The following CDKN2A variants were observed in gnomAD, a reference collection of about 807,000 sequenced individuals.
The protein encoded by CDKN2A is cyclin-dependent kinase inhibitor 2A.
Under a neutral mutation model 11.1 loss-of-function variants are expected in CDKN2A, and 3 were observed. That is an observed-to-expected ratio of 0.27 (90% CI 0.12 to 0.70). The LOEUF (loss-of-function observed/expected upper bound fraction) is 0.70. CDKN2A is among the 30% of genes least tolerant of loss of function. The pLI is 0.77. For synonymous variants in CDKN2A, 122 were observed against 108.1 expected (o/e 1.13, Z -0.80); for missense variants, 265 against 233.6 (o/e 1.13, Z -0.88).
intron 2 of CDKN2A, among the ~76,000 whole-genome samples, chr9:21,981,481 A>T (rs780199718): frequency 1.1e-4 from 16 of 152,066 alleles, no homozygotes; most frequent in Non-Finnish European, 2.1e-4. Context: ...GTTCTAGAAT[A>T]GGATGTTGGG....
rs1312444237 is a variant in CDKN2A, at chr9:21,988,578, AATAG to A, written c.-4+5300_-4+5303del. Among the ~76,000 whole-genome samples the A allele has an allele frequency of 6.6e-6, 1 of 152,128 alleles. No individual in the cohort carries two copies. The highest frequency in any genetic ancestry group is 1.5e-5 in the Non-Finnish European group (1 of 68,020). On this transcript the variant is annotated intron_variant, in intron 2 of 3. Transcript: ENST00000494262. The surrounding 1 kb of genome is among the most constrained non-coding windows in gnomAD (Gnocchi z 4.1). ...GCTAATTGGACATAAATATGAGAACAATAGACATTGGGGACTACTAGATGGAGGA... is the reference window on the plus strand; with the variant it reads ...GCTAATTGGACATAAATATGAGAACAACATTGGGGACTACTAGATGGAGGA...
At chr9:21,985,608 T>G (rs1024942056) in intron 2 of CDKN2A, among the ~76,000 whole-genome samples, 3 of 151,990 alleles carry the variant, frequency 2.0e-5, no homozygotes, top group Non-Finnish European at 4.4e-5. Flanking sequence ...GGTTATTAGA[T>G]AGATAGACTA....
chr9:21,985,840 AATAC>A (rs1820287130), intron 2 of CDKN2A, among the ~76,000 whole-genome samples: 1 of 152,014 alleles, frequency 6.6e-6, no homozygotes. Context: ...CAGGAGTCTG[AATAC>A]ATAAATATAT....
chr9:21,976,489 G>T (rs1211178146), upstream of CDKN2A, among the ~76,000 whole-genome samples: 1 of 152,138 alleles, frequency 6.6e-6, no homozygotes, highest in African/African-American at 2.4e-5. Context: ...GCCGAGACAG[G>T]CGGATCACCT....
At chr9:21,976,226 A>G (rs1244119105), upstream of CDKN2A, among the ~76,000 whole-genome samples, 3 of 151,874 alleles carry the variant, frequency 2.0e-5, no homozygotes, top group Admixed American at 2.0e-4. Context: ...TAAAAATACA[A>G]AAATTAGCTG....
In CDKN2A at chr9:21,992,044, C is replaced by T. The variant is rs72547296; in HGVS notation, c.-4+1838G>A. On this transcript the variant is annotated intron_variant, in intron 2 of 3. Coordinates refer to the CDKN2A transcript ENST00000494262. The stretch of plus-strand genomic sequence containing the variant: ...TCAACTATGGCAATTTTTCAGGTTT[C>T]TGTGGTTAAGAAACTGGTAACGTGG... 3.7e-4 allele frequency: 367 copies of T among 982,694 alleles called. 2 individuals are homozygous for T. The African/African-American group carries it at 5.7e-3, about 15-fold the overall frequency. The allele number at this position is 982,694 out of a possible 1,614,324, so 60.9% of individuals were successfully genotyped here.
rs1207835478 is a variant in CDKN2A at position 21,988,774 on chromosome 9, C to CGA, written c.-4+5106_-4+5107dup. Among the ~76,000 whole-genome samples the CGA allele has an allele frequency of 6.6e-6, 1 of 152,082 alleles. No individual in the cohort carries two copies. Among genetic ancestry groups the CGA allele is most frequent in the Non-Finnish European group, 1.5e-5 (1 of 68,014 alleles). ...TAAATAAAAGTTGAAAAAAAATCTACGAGGCACTATATTTTTAAAAATACC... is the reference window on the plus strand; with the variant it reads ...TAAATAAAAGTTGAAAAAAAATCTACGAGAGGCACTATATTTTTAAAAATACC... On this transcript the variant is annotated intron_variant, in intron 2 of 3. Coordinates refer to the CDKN2A transcript ENST00000494262. This position sits in a 1 kb window ranked among gnomAD's most constrained non-coding sequence, Gnocchi z 4.1.
intron 2 of CDKN2A, among the ~76,000 whole-genome samples, chr9:21,981,853 T>C (rs568878484): frequency 5.3e-5 from 8 of 152,246 alleles, no homozygotes; most frequent in Middle Eastern, 3.4e-3. Flanking sequence ...TAATTACTTA[T>C]GTTCCACAAG....
At chr9:21,989,131 T>C (rs549115635) in intron 2 of CDKN2A, among the ~76,000 whole-genome samples, 1 of 152,344 alleles carries the variant, frequency 6.6e-6, no homozygotes, top group African/African-American at 2.4e-5. Flanking sequence ...GCTTCGACAA[T>C]TGTAAACACA....
At position 21,968,803 on chromosome 9, in the gene CDKN2A, T is replaced by C; in HGVS notation, c.458-561A>G. On this transcript the variant is annotated intron_variant, in intron 2 of 2. Coordinates refer to ENST00000304494, the MANE Select transcript of CDKN2A (RefSeq NM_000077.5). The surrounding 1 kb of genome is among the most constrained non-coding windows in gnomAD (Gnocchi z 4.7). Reference sequence around the variant, plus strand: ...CAAAATGGATGCTCATTTATTCATGTGCTCTGGCTTCTGCCTTCCTCTCTA... The same window carrying C: ...CAAAATGGATGCTCATTTATTCATGCGCTCTGGCTTCTGCCTTCCTCTCTA... 6.5e-7 allele frequency: 1 copy of C among 1,535,056 alleles called. No homozygotes were observed. The highest frequency in any genetic ancestry group is 8.7e-7 in the Non-Finnish European group (1 of 1,145,934).
At position 21,991,372 on chromosome 9, in the gene CDKN2A, C is replaced by T. The variant is rs3731197; in HGVS notation, c.-4+2510G>A. Among the ~76,000 whole-genome samples the T allele has an allele frequency of 0.52, 79,258 of 151,294 alleles. 22,508 individuals carry two copies. The highest frequency in any genetic ancestry group is 0.67 in the East Asian group (3,434 of 5,130). ...TGTGTGTCCCAAGACAATTCTTCTTCTTCCTATGTGGCCCAGGGAAGGTAA... is the reference window on the plus strand; with the variant it reads ...TGTGTGTCCCAAGACAATTCTTCTTTTTCCTATGTGGCCCAGGGAAGGTAA... On this transcript the variant is annotated intron_variant, in intron 2 of 3. Transcript: ENST00000494262. The surrounding 1 kb of genome is among the most constrained non-coding windows in gnomAD (Gnocchi z 5.2).
At chr9:21,994,569 T>G in intron 1 of CDKN2A, 1 of 995,420 alleles carries the variant, frequency 1.0e-6, no homozygotes. Flanking sequence ...GGAACGGCTC[T>G]GAGCCCTGCG....
rs775594584 is a variant in CDKN2A, at chr9:21,968,826, C to G, written c.458-584G>C. On this transcript the variant is annotated intron_variant, in intron 2 of 2. Transcript: ENST00000304494. The surrounding 1 kb of genome is among the most constrained non-coding windows in gnomAD (Gnocchi z 4.7). ...TGTGCTCTGGCTTCTGCCTTCCTCT[C>G]TAATCTCGTTGCGTATGGGCTCCAG... The G allele has an allele frequency of 3.3e-6, 5 of 1,521,664 alleles. No homozygotes were observed. In the Admixed American group the frequency reaches 7.8e-5, roughly 24 times the overall value. 94.3% of individuals were successfully genotyped at this position (1,521,664 alleles called of 1,614,324 possible). A position where few individuals can be genotyped will look rare whatever the true frequency, so the allele number is the denominator to read the frequency against.
At chr9:21,987,446 G>A (rs185396280) in intron 2 of CDKN2A, among the ~76,000 whole-genome samples, 1 of 127,178 alleles carries the variant, frequency 7.9e-6, no homozygotes, top group Non-Finnish European at 1.6e-5. Flanking sequence ...GAGAGAGAGA[G>A]AGAGAGAGAG....
intron 1 of CDKN2A, among the ~76,000 whole-genome samples, chr9:21,972,709 G>T (rs987226652): frequency 6.6e-6 from 1 of 152,150 alleles, no homozygotes; most frequent in African/African-American, 2.4e-5. Context: ...ACAAGAGATG[G>T]TCACCTCTTT....
At chr9:21,989,615 C>T (rs1820376235) in intron 2 of CDKN2A, 1 of 152,202 alleles carries the variant, frequency 6.6e-6, no homozygotes, top group Non-Finnish European at 1.5e-5. Flanking sequence ...CGTGGTTCCT[C>T]CGGGTAACCC....
chr9:21,968,470 C>T lies in CDKN2A; in HGVS notation c.458-228G>A, dbSNP rs1196823271. ...GCTCCAGGCGCGCCGACCGCTCAAG[C>T]GCTCCAGGTCCACCCGGCGGAGGGC... is the stretch of plus-strand genomic sequence containing the variant. On this transcript the variant is annotated intron_variant, in intron 2 of 2. Transcript: ENST00000304494. The surrounding 1 kb of genome is among the most constrained non-coding windows in gnomAD (Gnocchi z 4.7). The T allele has an allele frequency of 1.4e-6, 2 of 1,468,720 alleles. No individual in the cohort carries two copies. Among genetic ancestry groups the T allele is most frequent in the African/African-American group, 2.8e-5 (2 of 70,848 alleles). 91.0% of individuals were successfully genotyped at this position (1,468,720 alleles called of 1,614,324 possible). A position where few individuals can be genotyped will look rare whatever the true frequency, so the allele number is the denominator to read the frequency against.
At chr9:21,971,254 T>G in intron 1 of CDKN2A, 46 bp from the exon 2 acceptor site, 7 of 1,575,436 alleles carry the variant, frequency 4.4e-6, no homozygotes, top group Non-Finnish European at 6.0e-6. Context: ...GGGGCCGGCA[T>G]GACGGAAAGG....
In CDKN2A at chr9:21,968,161, G is replaced by T. The variant is rs1043966745; in HGVS notation, c.*68C>A. Reference sequence around the variant, plus strand: ...GTGGGTTGTGGCGGGGGCAGTTGTGGCCCTGTAGGACCTTCGGTGACTGAT... The same window carrying T: ...GTGGGTTGTGGCGGGGGCAGTTGTGTCCCTGTAGGACCTTCGGTGACTGAT... On this transcript the variant is annotated 3_prime_UTR_variant, in exon 3 of 3. Coordinates refer to ENST00000304494, the MANE Select transcript of CDKN2A (RefSeq NM_000077.5). The surrounding 1 kb of genome is among the most constrained non-coding windows in gnomAD (Gnocchi z 4.7). The T allele has an allele frequency of 2.1e-6, 3 of 1,399,884 alleles. No individual in the cohort carries two copies. The highest frequency in any genetic ancestry group is 1.7e-5 in the Admixed American group (1 of 59,024). 86.7% of individuals were successfully genotyped at this position (1,399,884 alleles called of 1,614,324 possible).
Sources: allele counts gnomAD v4.1 joint callset (sites outside exome capture counted in the v4.1 genomes callset), GRCh38; gene constraint gnomAD v4.1.1; non-coding constraint Gnocchi (gnomAD v3.1); transcripts MANE v1.5; gene names NCBI Gene and HGNC (gene_info 2026-07-23, HGNC 2026-07-21).